The following LPAR1 variants were observed in gnomAD, a reference collection of about 807,000 sequenced individuals.
The protein encoded by LPAR1 is lysophosphatidic acid receptor 1, also known as LPA receptor 1.
Under a neutral mutation model 23.8 loss-of-function variants are expected in LPAR1, and 5 were observed. The ratio of observed to expected loss-of-function variants is 0.21; its 90% CI spans 0.11 to 0.44. The LOEUF is 0.44. Ranked by LOEUF, LPAR1 falls within the 20% of genes least tolerant of loss-of-function variation. LPAR1 has a pLI of 0.99. For missense variants in LPAR1, 311 were observed against 482.8 expected (o/e 0.64, Z 3.33); for synonymous variants, 160 against 164.7 (o/e 0.97, Z 0.22).
intron 4 of LPAR1, among the ~76,000 whole-genome samples, chr9:110,958,401 A>G (rs2095834502): frequency 6.6e-6 from 1 of 152,264 alleles, no homozygotes; most frequent in Non-Finnish European, 1.5e-5. Context: ...ATGGAACAGA[A>G]TAGAAAACAC....
At chr9:110,942,516 C>T (rs1417109590) in intron 4 of LPAR1, among the ~76,000 whole-genome samples, 1 of 152,154 alleles carries the variant, frequency 6.6e-6, no homozygotes, top group African/African-American at 2.4e-5. Flanking sequence ...GGAATATTTA[C>T]CATAGTAAAA....
chr9:110,984,007 G>T (rs1300784875), intron 2 of LPAR1, among the ~76,000 whole-genome samples: 1 of 151,838 alleles, frequency 6.6e-6, no homozygotes, highest in African/African-American at 2.4e-5. Flanking sequence ...GTATATATTT[G>T]TGGGGTATAT....
intron 4 of LPAR1, among the ~76,000 whole-genome samples, chr9:110,955,497 C>T (rs1477385219): frequency 6.6e-6 from 1 of 152,036 alleles, no homozygotes; most frequent in Non-Finnish European, 1.5e-5. Flanking sequence ...CAACACCCCA[C>T]TCTCAGCATT....
At chr9:110,894,708 T>C (rs2805382) in intron 5 of LPAR1, among the ~76,000 whole-genome samples, 82,688 of 151,962 alleles carry the variant, frequency 0.54, 24,350 homozygotes, top group East Asian at 0.83. Flanking sequence ...GAGTCAGTCC[T>C]CTTTTTGCTT....
chr9:110,958,132 T>A (rs148348671), intron 4 of LPAR1, among the ~76,000 whole-genome samples: 6 of 152,206 alleles, frequency 3.9e-5, no homozygotes, highest in Non-Finnish European at 8.8e-5. Context: ...CGAATTAACG[T>A]TGTTAAAATG....
chr9:110,904,935 T>C (rs1564423169), intron 5 of LPAR1, among the ~76,000 whole-genome samples: 3 of 151,872 alleles, frequency 2.0e-5, no homozygotes, highest in Non-Finnish European at 2.9e-5. Flanking sequence ...AACCCCAGAG[T>C]AGAGAGGAGA....
Position 110,874,940 on chromosome 9 carries a change from G to A in LPAR1, c.*481C>T, listed in dbSNP as rs1052899850. On this transcript the variant is annotated 3_prime_UTR_variant, in exon 6 of 6. Coordinates refer to ENST00000683809, the MANE Select transcript of LPAR1 (RefSeq NM_001351411.2). ...ATGTAAGGGAAAAAATGGAATTATG[G>A]TAGTTTAAAAGCAGTCCATAGTCTC... 2.6e-5 allele frequency: 4 copies of A among 152,726 alleles called. No individual in the cohort carries two copies. The highest frequency in any genetic ancestry group is 5.9e-5 in the Non-Finnish European group (4 of 68,176). 9.5% of individuals were successfully genotyped at this position (152,726 alleles called of 1,614,324 possible).
At chr9:110,974,807 T>C (rs548124590) in intron 2 of LPAR1, among the ~76,000 whole-genome samples, 2 of 152,310 alleles carry the variant, frequency 1.3e-5, no homozygotes, top group African/African-American at 4.8e-5. Context: ...ACAGGACCTT[T>C]CTTTTTTCAA....
intron 2 of LPAR1, among the ~76,000 whole-genome samples, chr9:111,008,485 C>T (rs1392900817): frequency 3.9e-5 from 6 of 152,174 alleles, no homozygotes; most frequent in Non-Finnish European, 2.9e-5. Context: ...CGATTATATC[C>T]CAATAATCCC....
At chr9:110,915,126 A>C (rs2092932553) in intron 5 of LPAR1, among the ~76,000 whole-genome samples, 1 of 152,162 alleles carries the variant, frequency 6.6e-6, no homozygotes. Context: ...GTACTCTCTA[A>C]AGTGTGCTTA....
chr9:110,980,907 C>A (rs546724060), intron 2 of LPAR1, among the ~76,000 whole-genome samples: 5 of 151,824 alleles, frequency 3.3e-5, no homozygotes, highest in African/African-American at 1.2e-4. Flanking sequence ...TAAATATGTA[C>A]AAATGTATAT....
chr9:110,910,028 C>T (rs1026357649), intron 5 of LPAR1, among the ~76,000 whole-genome samples: 3 of 152,110 alleles, frequency 2.0e-5, no homozygotes, highest in African/African-American at 7.2e-5. Flanking sequence ...GGATTATAGG[C>T]ATGAGCCACC....
intron 2 of LPAR1, among the ~76,000 whole-genome samples, chr9:111,000,165 C>G (rs1356108092): frequency 6.6e-6 from 1 of 152,194 alleles, no homozygotes; most frequent in Non-Finnish European, 1.5e-5. Flanking sequence ...GCTATTCTCC[C>G]TTTCTCTTAC....
At chr9:110,899,854 A>G (rs996895966) in intron 5 of LPAR1, among the ~76,000 whole-genome samples, 1 of 152,118 alleles carries the variant, frequency 6.6e-6, no homozygotes, top group Non-Finnish European at 1.5e-5. Flanking sequence ...CCATTGTAAG[A>G]TATTTAGCAG....
rs369101627 is a variant in LPAR1, at chr9:110,942,075, T to C, written c.139A>G (p.Thr47Ala). Residue 47 changes from threonine to alanine, a missense_variant, in exon 5 of 6, where the codon ACA (threonine) becomes GCA (alanine). Coordinates refer to ENST00000683809, the MANE Select transcript of LPAR1 (RefSeq NM_001351411.2). ...AGTCCCATCACCAGCTTGCTGACTG[T>C]GTTCCATTCTGTGGCAAGATGCTTT... ...SGKHLATEWN[T>A]VSKLVMGLGI... 34 of 1,614,046 alleles carry C rather than the reference T, an allele frequency of 2.1e-5. No individual in the cohort carries two copies. Among genetic ancestry groups the C allele is most frequent in the Admixed American group, 1.2e-4 (7 of 60,000 alleles).
At chr9:110,987,398 T>C (rs1453744963) in intron 2 of LPAR1, among the ~76,000 whole-genome samples, 1 of 150,938 alleles carries the variant, frequency 6.6e-6, no homozygotes, top group Non-Finnish European at 1.5e-5. Context: ...ATATTTCAAC[T>C]CCCAATAATT....
At chr9:110,935,674 A>T (rs539984894) in intron 5 of LPAR1, among the ~76,000 whole-genome samples, 2 of 152,304 alleles carry the variant, frequency 1.3e-5, no homozygotes, top group South Asian at 4.1e-4. Flanking sequence ...GAGGGTGACC[A>T]TTCATCCTAG....
intron 2 of LPAR1, among the ~76,000 whole-genome samples, chr9:110,989,966 GAGTAGATT>G (rs3030182): frequency 0.67 from 100,576 of 150,924 alleles, 33,831 homozygotes; most frequent in Admixed American, 0.71. Flanking sequence ...AAATCTAACA[GAGTAGATT>G]AGTAGATTTT....
chr9:110,981,533 C>T (rs118027681), intron 2 of LPAR1, among the ~76,000 whole-genome samples: 2,715 of 151,946 alleles, frequency 0.018, 35 homozygotes, highest in Admixed American at 0.024. Flanking sequence ...AATAAAGTAT[C>T]TACCTATACA....
Sources: gnomAD v4.1 joint callset for allele counts (sites outside exome capture counted in the v4.1 genomes callset) on GRCh38, gnomAD v4.1.1 for gene constraint, MANE v1.5 for transcripts, NCBI Gene and HGNC (gene_info 2026-07-23, HGNC 2026-07-21) for gene names.